Variants in FARP1 observed in about 807,000 individuals in gnomAD.
FARP1 encodes the protein FERM, ARH/RhoGEF and pleckstrin domain protein 1, also known as FERM, ARHGEF and pleckstrin domain-containing protein 1.
A neutral mutation model predicts 128.8 loss-of-function variants in FARP1; 52 were observed. The ratio of observed to expected loss-of-function variants is 0.40; its 90% confidence interval spans 0.32 to 0.51. The LOEUF is 0.51. Ranked by LOEUF, FARP1 falls within the 20% of genes least tolerant of loss-of-function variation. The probability of loss-of-function intolerance (pLI) is 0.45; values close to 1 mark genes in which losing one functional copy is unlikely to be tolerated. For synonymous variants in FARP1, 580 were observed against 551.8 expected (o/e 1.05, Z -0.72); for missense variants, 1,333 against 1,367.9 (o/e 0.97, Z 0.40).
rs147653421 is a variant in FARP1 at position 98,431,200 on chromosome 13, G to A, written c.2063G>A (p.Arg688Gln). ...ACCTTCCTCCTGCGGCCACTGCACCGGCTCATGCACTACAAGCAGGTCCTG... is the reference window on the plus strand; with the variant it reads ...ACCTTCCTCCTGCGGCCACTGCACCAGCTCATGCACTACAAGCAGGTCCTG... Reference protein sequence around the residue: ...LNTFLLRPLHRLMHYKQVLER... With the variant: ...LNTFLLRPLHQLMHYKQVLER... Residue 688 changes from arginine to glutamine, a missense_variant, in exon 18 of 27, where the codon CGG (arginine) becomes CAG (glutamine). Physicochemically the swap from Arg to Gln is conservative, Grantham distance 43 (BLOSUM62 1). Around this residue, in one of 2 missense-constraint regions of FARP1, gnomAD observed 1,009 missense variants for 969.8 expected, o/e 1.04. Coordinates refer to ENST00000319562, the MANE Select transcript of FARP1 (RefSeq NM_005766.4). 1.2e-5 allele frequency: 19 copies of A among 1,610,924 alleles called. No individual in the cohort carries two copies. Among genetic ancestry groups the A allele is most frequent in the South Asian group, 5.5e-5 (5 of 90,574 alleles).
chr13:98,209,782 G>A (rs1012414440), intron 1 of FARP1, among the ~76,000 whole-genome samples: 16 of 83,530 alleles, frequency 1.9e-4, no homozygotes, highest in Non-Finnish European at 3.2e-4. Flanking sequence ...GGGCAATAGA[G>A]TAAAACTGTG....
chr13:98,163,336 G>A (rs1004387619), intron 1 of FARP1, among the ~76,000 whole-genome samples: 7 of 152,104 alleles, frequency 4.6e-5, no homozygotes, highest in Non-Finnish European at 7.4e-5. Context: ...GTGGCAGGAG[G>A]GGGAGGAGCA....
chr13:98,168,981 C>G (rs1181523890), intron 1 of FARP1, among the ~76,000 whole-genome samples: 1 of 152,176 alleles, frequency 6.6e-6, no homozygotes, highest in African/African-American at 2.4e-5. Flanking sequence ...GACTTGTTCA[C>G]TGCTGAGCCA....
rs141380507 is a variant in FARP1, at chr13:98,228,144, A to C, written c.171+14731A>C. On this transcript the variant is annotated intron_variant, in intron 2 of 26. Transcript: ENST00000319562. The stretch of plus-strand genomic sequence containing the variant: ...GAGGCCAGGGCGGGTGGATCACCTG[A>C]AGTCAGGAGTTTGAGACTAGTCTGA... Among the ~76,000 whole-genome samples, 243 of 152,332 alleles carry C rather than the reference A, an allele frequency of 1.6e-3. 6 individuals are homozygous for C. The East Asian group carries it at 0.04, about 25-fold the overall frequency.
intron 1 of FARP1, among the ~76,000 whole-genome samples, chr13:98,200,396 CCCT>C (rs1252314269): frequency 5.4e-5 from 8 of 147,044 alleles, no homozygotes; most frequent in East Asian, 2.0e-4. Flanking sequence ...CACCCCCCCC[CCCT>C]CCCCTTTGTG....
intron 16 of FARP1, among the ~76,000 whole-genome samples, chr13:98,417,455 G>GAAAAAAAAAA (rs869304302): frequency 1.9e-4 from 11 of 58,430 alleles, no homozygotes; most frequent in African/African-American, 4.0e-4. Flanking sequence ...CCAGAGGTTT[G>GAAAAAAAAAA]AAAAAAAAAA....
rs760167006 is a variant in FARP1 at position 98,411,972 on chromosome 13, T to G, written c.1764T>G (p.Phe588Leu). Residue 588 changes from phenylalanine (F) to leucine (L), a missense_variant, in exon 16 of 27, where the codon TTT becomes TTG. Transcript: ENST00000319562. ...EALKSLIFPN[F>L]EPLHKFHTNF... ...TGAAAAGTCTCATATTCCCGAATTT[T>G]GAACCTTTGCACAAATTTCATACTA... The G allele has an allele frequency of 9.9e-6, 16 of 1,614,032 alleles. 1 individual carries two copies. The highest frequency in any genetic ancestry group is 5.0e-5 in the Admixed American group (3 of 60,010).
chr13:98,222,099 C>A (rs1324596553), intron 2 of FARP1, among the ~76,000 whole-genome samples: 1 of 152,306 alleles, frequency 6.6e-6, no homozygotes, highest in South Asian at 2.1e-4. Context: ...GTTCTCAAAG[C>A]TGTTAGCACT....
chr13:98,300,222 G>A (rs746732550), intron 2 of FARP1, among the ~76,000 whole-genome samples: 1 of 152,188 alleles, frequency 6.6e-6, no homozygotes, highest in African/African-American at 2.4e-5. Context: ...AAGACAGTCC[G>A]TCCATGCTGC....
intron 3 of FARP1, 150 bp from the exon 4 acceptor site, chr13:98,365,245 G>A (rs1409800020): frequency 1.2e-5 from 7 of 584,398 alleles, no homozygotes; most frequent in East Asian, 2.6e-5. Context: ...GGTAGACAAC[G>A]TAAGATACGG....
At chr13:98,220,822 T>G (rs925343876) in intron 2 of FARP1, among the ~76,000 whole-genome samples, 3 of 152,296 alleles carry the variant, frequency 2.0e-5, no homozygotes, top group African/African-American at 7.2e-5. Context: ...TCTGATATGC[T>G]TGCAGTAATT....
chr13:98,267,930 A>T (rs530896919), intron 2 of FARP1, among the ~76,000 whole-genome samples: 1 of 128,314 alleles, frequency 7.8e-6, no homozygotes, highest in East Asian at 2.1e-4. Flanking sequence ...CCAGACACGG[A>T]TACTTAAAAA....
chr13:98,438,855 C>A lies in FARP1; in HGVS notation c.2326C>A (p.Gln776Lys). 6.2e-7 allele frequency: 1 copy of A among 1,613,634 alleles called. No homozygotes were observed. Among genetic ancestry groups the A allele is most frequent in the Non-Finnish European group, 8.5e-7 (1 of 1,179,952 alleles). The change falls in exon 20 of 27, where the codon CAG becomes AAG. Residue 776 changes from glutamine to lysine, a missense_variant. Around this residue, in one of 2 missense-constraint regions of FARP1, gnomAD observed 1,009 missense variants for 969.8 expected, o/e 1.04. Transcript: ENST00000319562. ...CAAGCTCTCGGGGAAGGGGCTCCAG[C>A]AGCGCATGTTCTTCCTGGTGAGTGG... ...LSKLSGKGLQ[Q>K]RMFFLFNDVL...
chr13:98,387,774 G>A lies in FARP1; in HGVS notation c.760-609G>A, dbSNP rs186209489. ...CTGGCCTCCCATCCTCAGTTCTACC[G>A]GTGCTGTTGGAAGCTTGATGGGCCC... is the stretch of plus-strand genomic sequence containing the variant. On this transcript the variant is annotated intron_variant, in intron 8 of 26. Coordinates refer to ENST00000319562, the MANE Select transcript of FARP1 (RefSeq NM_005766.4). 4.1e-4 allele frequency among the ~76,000 whole-genome samples: 63 copies of A among 152,298 alleles called. 1 individual carries two copies. The highest frequency in any genetic ancestry group is 3.4e-3 in the Middle Eastern group (1 of 294).
intron 2 of FARP1, among the ~76,000 whole-genome samples, chr13:98,299,438 T>C (rs369580333): frequency 1.3e-5 from 2 of 152,340 alleles, no homozygotes; most frequent in African/African-American, 4.8e-5. Flanking sequence ...ACGTAGGGGC[T>C]GTCTACTGAA....
rs77227053 is a variant in FARP1, at chr13:98,428,760, T to C, written c.1906-2283T>C. Among the ~76,000 whole-genome samples, 503 of 152,288 alleles carry C rather than the reference T, an allele frequency of 3.3e-3. 2 individuals carry two copies. Among genetic ancestry groups the C allele is most frequent in the African/African-American group, 0.012 (489 of 41,560 alleles). On this transcript the variant is annotated intron_variant, in intron 17 of 26. Coordinates refer to ENST00000319562, the MANE Select transcript of FARP1 (RefSeq NM_005766.4). The stretch of plus-strand genomic sequence containing the variant: ...TGTGTGCATTGCTTCGTTGGCTCTT[T>C]GGTATATACAGGGAAGACCTTTGGA...
chr13:98,337,538 C>CGTGTGTGTGTGT lies in FARP1; in HGVS notation c.172-6185_172-6174dup, dbSNP rs60625244. On this transcript the variant is annotated intron_variant, in intron 2 of 26. Transcript: ENST00000319562. ...TCTTGTGTATAGTAGTCTGTGTAGC[C>CGTGTGTGTGTGT]GTGTGTGTGTGTGTGTGTGTGTGTG... is the stretch of plus-strand genomic sequence containing the variant. Among the ~76,000 whole-genome samples, 266 of 132,074 alleles carry CGTGTGTGTGTGT rather than the reference C, an allele frequency of 2.0e-3. 4 individuals are homozygous for CGTGTGTGTGTGT. The highest frequency in any genetic ancestry group is 0.014 in the East Asian group (58 of 4,022). 86.6% of individuals were successfully genotyped at this position (132,074 alleles called of 152,430 possible). A position where few individuals can be genotyped will look rare whatever the true frequency, so the allele number is the denominator to read the frequency against.
At chr13:98,324,995 A>G (rs1238926638) in intron 2 of FARP1, among the ~76,000 whole-genome samples, 1 of 152,218 alleles carries the variant, frequency 6.6e-6, no homozygotes, top group Non-Finnish European at 1.5e-5. Context: ...TTAACACAGT[A>G]GTTGAAATTT....
At chr13:98,163,165 G>A (rs987427266) in intron 1 of FARP1, among the ~76,000 whole-genome samples, 3 of 152,184 alleles carry the variant, frequency 2.0e-5, no homozygotes, top group African/African-American at 7.2e-5. Context: ...AATCATCTTT[G>A]CAGGAACATA....
Sources: gnomAD v4.1 joint callset for allele counts (sites outside exome capture counted in the v4.1 genomes callset) on GRCh38, gnomAD v4.1.1 for gene constraint, gnomAD v4.1.1 regional missense constraint, MANE v1.5 for transcripts, NCBI Gene and HGNC (gene_info 2026-07-23, HGNC 2026-07-21) for gene names.